The following BCL6 variants were observed in gnomAD, a reference collection of about 807,000 sequenced individuals.
BCL6 encodes BCL6 transcription repressor.
A neutral mutation model predicts 59.5 loss-of-function variants in BCL6; 7 were observed. That is an observed-to-expected ratio of 0.12 (90% CI 0.07 to 0.22). The LOEUF (loss-of-function observed/expected upper bound fraction) is 0.22. Among genes scored for constraint, BCL6 ranks in the 10% least tolerant of loss-of-function variants. The pLI is 1.00. For missense variants in BCL6, 685 were observed against 939.4 expected (o/e 0.73, Z 3.54); for synonymous variants, 339 against 349.7 (o/e 0.97, Z 0.34).
At chr3:187,724,874 GCTCCACCTCCTTCCCTGCC>G (rs199744143) in intron 9 of BCL6, 48 bp downstream of exon 9, 2 of 1,595,126 alleles carry the variant, frequency 1.3e-6, no homozygotes, top group East Asian at 2.2e-5. Context: ...CCTTCCCTGC[GCTCCACCTCCTTCCCTGCC>G]CTCCACATCC....
chr3:187,744,735 C>T (rs1711813787), intron 1 of BCL6, among the ~76,000 whole-genome samples: 1 of 152,072 alleles, frequency 6.6e-6, no homozygotes, highest in African/African-American at 2.4e-5. Context: ...CGGAGTTACC[C>T]AGAAGGACAG....
Position 187,722,167 on chromosome 3 carries a change from C to T in BCL6, c.*291G>A. ...GTCAAGTCAGAACTTTTGCATACTC[C>T]CCTGCTTTGACATATAAAATGATTT... On this transcript the variant is annotated 3_prime_UTR_variant, in exon 10 of 10. Coordinates refer to ENST00000406870, the MANE Select transcript of BCL6 (RefSeq NM_001706.5). 1 of 308,018 alleles carries T rather than the reference C, an allele frequency of 3.2e-6. No individual in the cohort carries two copies. Among genetic ancestry groups the T allele is most frequent in the Non-Finnish European group, 6.0e-6 (1 of 167,492 alleles). 19.1% of individuals were successfully genotyped at this position (308,018 alleles called of 1,614,324 possible). A position where few individuals can be genotyped will look rare whatever the true frequency, so the allele number is the denominator to read the frequency against.
At chr3:187,743,022 C>CT (rs3054746) in intron 1 of BCL6, among the ~76,000 whole-genome samples, 21,766 of 146,448 alleles carry the variant, frequency 0.15, 1,695 homozygotes, top group East Asian at 0.18. Flanking sequence ...GCCGCCCCCT[C>CT]TTTTTTTTTT....
At position 187,722,519 on chromosome 3, in the gene BCL6, G is replaced by A; in HGVS notation, c.2060C>T (p.Thr687Ile). Residue 687 changes from threonine (T) to isoleucine (I), a missense_variant, in exon 10 of 10, where the codon ACC (threonine) becomes ATC (isoleucine). By Grantham distance (89) the Thr-to-Ile change is moderately conservative (BLOSUM62 -1). Coordinates refer to ENST00000406870, the MANE Select transcript of BCL6 (RefSeq NM_001706.5). Reference sequence around the variant, plus strand: ...GGCTGACACGCGGTATTGCACCTTGGTGTTGGTGATGGCGCCATGCTTCTG... The same window carrying A: ...GGCTGACACGCGGTATTGCACCTTGATGTTGGTGATGGCGCCATGCTTCTG... ...LRQKHGAITN[T>I]KVQYRVSATD... 1 of 1,614,008 alleles carries A rather than the reference G, an allele frequency of 6.2e-7. No homozygotes were observed. The highest frequency in any genetic ancestry group is 2.2e-5 in the East Asian group (1 of 44,886).
intron 9 of BCL6, 80 bp from the exon 10 acceptor site, chr3:187,722,681 A>T: frequency 6.5e-7 from 1 of 1,548,256 alleles, no homozygotes; most frequent in African/African-American, 1.4e-5. Flanking sequence ...AGAGAGGAAG[A>T]TTCTCCCTAC....
chr3:187,742,254 TGTGA>T (rs895628604), intron 1 of BCL6, among the ~76,000 whole-genome samples: 3 of 152,274 alleles, frequency 2.0e-5, no homozygotes, highest in African/African-American at 2.4e-5. Context: ...CAAAGTGGGT[TGTGA>T]GTGTCATTAC....
chr3:187,745,018 A>T (rs1576886124), intron 1 of BCL6, among the ~76,000 whole-genome samples: 2 of 148,916 alleles, frequency 1.3e-5, no homozygotes, highest in East Asian at 2.0e-4. Context: ...GCCGCCCCCT[A>T]ATTCCCCTCC....
chr3:187,735,185 T>C (rs567533074), intron 1 of BCL6, among the ~76,000 whole-genome samples: 99 of 152,342 alleles, frequency 6.5e-4, no homozygotes, highest in Non-Finnish European at 1.2e-3. Context: ...ATATATTTCC[T>C]TCTTCAAAGA....
In BCL6 at chr3:187,725,901, G is replaced by C. The variant is rs1474669530; in HGVS notation, c.1709-272C>G. On this transcript the variant is annotated intron_variant, in intron 7 of 9. Coordinates refer to ENST00000406870, the MANE Select transcript of BCL6 (RefSeq NM_001706.5). The surrounding 1 kb of genome is among the most constrained non-coding windows in gnomAD (Gnocchi z 4.7). ...ACAATGCCAGGTGTGGGATAGGAGA[G>C]GGGGAGATTCCAGGAAGCCTGGGCT... Among the ~76,000 whole-genome samples the C allele has an allele frequency of 3.3e-5, 5 of 152,238 alleles. No individual in the cohort carries two copies. The highest frequency in any genetic ancestry group is 2.6e-4 in the Admixed American group (4 of 15,276).
rs1233402580 is a variant in BCL6 at position 187,725,714 on chromosome 3, C to T, written c.1709-85G>A. On this transcript the variant is annotated intron_variant, in intron 7 of 9. Coordinates refer to ENST00000406870, the MANE Select transcript of BCL6 (RefSeq NM_001706.5). This position sits in a 1 kb window ranked among gnomAD's most constrained non-coding sequence, Gnocchi z 4.7. Reference sequence around the variant, plus strand: ...CCGTGGCTCCTGGATTTCTAAGCAGCCTGCTCCTCCCTGAGGCCACTTGTG... The same window carrying T: ...CCGTGGCTCCTGGATTTCTAAGCAGTCTGCTCCTCCCTGAGGCCACTTGTG... The T allele has an allele frequency of 1.4e-5, 21 of 1,527,936 alleles. No individual in the cohort carries two copies. Among genetic ancestry groups the T allele is most frequent in the Non-Finnish European group, 1.6e-5 (18 of 1,119,998 alleles). The allele number at this position is 1,527,936 out of a possible 1,614,324, so 94.6% of individuals were successfully genotyped here. A position where few individuals can be genotyped will look rare whatever the true frequency, so the allele number is the denominator to read the frequency against.
intron 1 of BCL6, 100 bp downstream of exon 1, chr3:187,745,310 A>T (rs535902508): frequency 7.5e-6 from 3 of 399,972 alleles, no homozygotes; most frequent in East Asian, 3.6e-5. Flanking sequence ...TAAAAGGTAA[A>T]ATAATGATCA....
intron 2 of BCL6, chr3:187,734,606 C>G (rs1579820658): frequency 6.6e-6 from 1 of 152,144 alleles, no homozygotes; most frequent in Non-Finnish European, 1.5e-5. Context: ...ACTTTTGTAC[C>G]TCGAGGAGCT....
At chr3:187,734,125 C>T (rs1385397569) in intron 2 of BCL6, among the ~76,000 whole-genome samples, 6 of 152,202 alleles carry the variant, frequency 3.9e-5, no homozygotes, top group African/African-American at 9.6e-5. Context: ...ACTGCAAGTC[C>T]GCCTTCCCAG....
intron 1 of BCL6, chr3:187,737,387 GA>G (rs1719339018): frequency 4.8e-5 from 7 of 146,362 alleles, no homozygotes; most frequent in Admixed American, 4.8e-4. Context: ...GAGAGAGAGA[GA>G]GAGAGAGAAA....
intron 1 of BCL6, 120 bp downstream of exon 1, chr3:187,745,290 A>G: frequency 2.5e-6 from 1 of 399,008 alleles, no homozygotes; most frequent in Non-Finnish European, 4.4e-6. Context: ...AGAGCGGAAA[A>G]AAAAAGAATT....
At chr3:187,745,209 CTAGAATAAATAAATATATACATT>C (rs1560161800) in intron 1 of BCL6, among the ~76,000 whole-genome samples, 178 bp downstream of exon 1, 1 of 151,650 alleles carries the variant, frequency 6.6e-6, no homozygotes, top group Admixed American at 6.6e-5. Context: ...CACCTGACAG[CTAGAATAAATAAATATATACATT>C]TATATCAATA....
rs1029024685 is a variant in BCL6, at chr3:187,722,720, A to C, written c.1978-119T>G. On this transcript the variant is annotated intron_variant, in intron 9 of 9. Coordinates refer to ENST00000406870, the MANE Select transcript of BCL6 (RefSeq NM_001706.5). ...GGACTGGGGCAGCTCTTGCCTCTCC[A>C]AGGCCAGGTGAAGAACCCATATGCA... 8.9e-5 allele frequency: 116 copies of C among 1,300,380 alleles called. 1 individual carries two copies. Among genetic ancestry groups the C allele is most frequent in the Non-Finnish European group, 1.2e-4 (112 of 951,184 alleles). The allele number at this position is 1,300,380 out of a possible 1,614,324, so 80.6% of individuals were successfully genotyped here. A position where few individuals can be genotyped will look rare whatever the true frequency, so the allele number is the denominator to read the frequency against.
At chr3:187,735,600 C>G (rs1185536495) in intron 1 of BCL6, among the ~76,000 whole-genome samples, 1 of 152,182 alleles carries the variant, frequency 6.6e-6, no homozygotes. Context: ...TAAGACCAGA[C>G]AGAATGCCAT....
chr3:187,722,700 G>A (rs1718483433), intron 9 of BCL6, 99 bp from the exon 10 acceptor site: 4 of 1,485,998 alleles, frequency 2.7e-6, no homozygotes, highest in South Asian at 1.3e-5. Context: ...ACGAGGGACT[G>A]GGGCAGCTCT....
Sources: allele counts gnomAD v4.1 joint callset (sites outside exome capture counted in the v4.1 genomes callset), GRCh38; gene constraint gnomAD v4.1.1; non-coding constraint Gnocchi (gnomAD v3.1); transcripts MANE v1.5; gene names NCBI Gene and HGNC (gene_info 2026-07-23, HGNC 2026-07-21).